PDE1C: variants seen among roughly 807,000 people sequenced by gnomAD.
The protein encoded by PDE1C is dual specificity calcium/calmodulin-dependent 3',5'-cyclic nucleotide phosphodiesterase 1C.
Under a neutral mutation model 93.1 loss-of-function variants are expected in PDE1C, and 62 were observed. That is an observed-to-expected ratio of 0.67 (90% confidence interval 0.54 to 0.82). The LOEUF is 0.82. Ranked by LOEUF, PDE1C falls within the 40% of genes least tolerant of loss-of-function variation. The pLI is 0.00. For missense variants in PDE1C, 742 were observed against 884.6 expected, an observed-to-expected ratio of 0.84 and a Z score of 2.04; for synonymous variants, 325 against 310.1, an observed-to-expected ratio of 1.05 and a Z score of -0.50.
At chr7:32,187,983 C>T (rs1051804494) in intron 2 of PDE1C, among the ~76,000 whole-genome samples, 3 of 152,132 alleles carry the variant, frequency 2.0e-5, no homozygotes, top group Non-Finnish European at 4.4e-5. Flanking sequence ...TGAAGTATAT[C>T]CTTGAATTCT....
chr7:32,304,667 C>T (rs1812953954), intron 1 of PDE1C, among the ~76,000 whole-genome samples: 1 of 152,080 alleles, frequency 6.6e-6, no homozygotes, highest in African/African-American at 2.4e-5. Context: ...AGCTCCTCTA[C>T]TTGCTAGCTG....
chr7:32,157,697 A>G (rs565758402), intron 3 of PDE1C, among the ~76,000 whole-genome samples: 42 of 152,340 alleles, frequency 2.8e-4, no homozygotes, highest in African/African-American at 8.9e-4. Flanking sequence ...AAGAGATACA[A>G]GCTAAAGCTG....
intron 2 of PDE1C, among the ~76,000 whole-genome samples, chr7:32,202,489 G>A (rs1805086076): frequency 6.6e-6 from 1 of 152,184 alleles, no homozygotes; most frequent in African/African-American, 2.4e-5. Flanking sequence ...GGTGAGCACT[G>A]GACTGGATCA....
At position 31,775,710 on chromosome 7, in the gene PDE1C, GCCGTGAGAA is replaced by G; in HGVS notation, c.1905_1913del (p.His637_Ser639del). The G allele has an allele frequency of 6.2e-7, 1 of 1,612,870 alleles. No homozygotes were observed. The highest frequency in any genetic ancestry group is 8.5e-7 in the Non-Finnish European group (1 of 1,179,850). The stretch of plus-strand genomic sequence containing the variant: ...TGGAGCTGGTGCTTGGGGCTGGTGA[GCCGTGAGAA>G]CGCTGTTTTGTGCCTGTGAAGAGGA... On this transcript the variant is annotated inframe_deletion, in exon 17 of 18. Transcript: ENST00000396191.
At chr7:31,699,444 G>A in the PDE1C span, among the ~76,000 whole-genome samples, 1 of 152,178 alleles carries the variant, frequency 6.6e-6, no homozygotes, top group South Asian at 2.1e-4. Context: ...TATTGGTCAA[G>A]GGGTCCAGAG....
At chr7:32,267,980 G>C (rs552542136) in intron 1 of PDE1C, among the ~76,000 whole-genome samples, 1 of 152,146 alleles carries the variant, frequency 6.6e-6, no homozygotes. Context: ...AGTGACACTC[G>C]TGATCTTTGG....
intron 1 of PDE1C, among the ~76,000 whole-genome samples, chr7:32,313,240 A>G (rs1783093125): frequency 6.6e-6 from 1 of 152,202 alleles, no homozygotes; most frequent in African/African-American, 2.4e-5. Context: ...CGATCATTAA[A>G]AAGTCAGGAA....
At chr7:32,101,103 G>A (rs1321406163) in intron 3 of PDE1C, among the ~76,000 whole-genome samples, 1 of 152,124 alleles carries the variant, frequency 6.6e-6, no homozygotes, top group Non-Finnish European at 1.5e-5. Flanking sequence ...AATATAAGTT[G>A]TTCTTTTCCT....
chr7:32,288,161 C>G (rs895457433), intron 1 of PDE1C, among the ~76,000 whole-genome samples: 1 of 152,110 alleles, frequency 6.6e-6, no homozygotes, highest in South Asian at 2.1e-4. Context: ...CTTAAAAAAA[C>G]AAAATGTAGA....
At chr7:31,623,593 T>C in the PDE1C span, among the ~76,000 whole-genome samples, 1 of 149,958 alleles carries the variant, frequency 6.7e-6, no homozygotes, top group African/African-American at 2.4e-5. Flanking sequence ...TAGGTATTGA[T>C]GGGACGTATC....
the PDE1C span, among the ~76,000 whole-genome samples, chr7:31,702,017 T>C: frequency 1.3e-5 from 2 of 152,138 alleles, no homozygotes; most frequent in Admixed American, 6.6e-5. Context: ...TGTAATAAAA[T>C]TTTTTAGAAG....
intron 2 of PDE1C, among the ~76,000 whole-genome samples, chr7:32,203,923 G>T (rs1805216073): frequency 6.6e-6 from 1 of 152,078 alleles, no homozygotes; most frequent in Admixed American, 6.6e-5. Flanking sequence ...TTGGCATACA[G>T]TTTTTTTCTT....
intron 1 of PDE1C, among the ~76,000 whole-genome samples, chr7:32,066,705 C>T (rs183715250): frequency 6.6e-6 from 1 of 152,074 alleles, no homozygotes; most frequent in Non-Finnish European, 1.5e-5. Context: ...AGCCCTGTTT[C>T]CCTGACTGAA....
the PDE1C span, among the ~76,000 whole-genome samples, chr7:31,723,806 C>T: frequency 6.6e-6 from 1 of 152,156 alleles, no homozygotes; most frequent in African/African-American, 2.4e-5. Flanking sequence ...TTAGTTAATT[C>T]TCGTCTACAG....
At chr7:32,264,527 C>G (rs1382660573) in intron 1 of PDE1C, among the ~76,000 whole-genome samples, 1 of 152,210 alleles carries the variant, frequency 6.6e-6, no homozygotes, top group Non-Finnish European at 1.5e-5. Flanking sequence ...GCTTCTGGTT[C>G]TCTCCAAAAT....
intron 4 of PDE1C, 70 bp downstream of exon 4, chr7:31,878,926 G>A: frequency 2.1e-6 from 3 of 1,448,130 alleles, no homozygotes; most frequent in South Asian, 2.4e-5. Flanking sequence ...TTAAAGCAAA[G>A]CTTCCAGTTA....
chr7:32,035,367 A>G (rs1790909658), intron 2 of PDE1C, among the ~76,000 whole-genome samples: 1 of 152,190 alleles, frequency 6.6e-6, no homozygotes, highest in South Asian at 2.1e-4. Flanking sequence ...AGTCTGTAAG[A>G]GAGAGTGCTC....
In PDE1C at chr7:32,356,547, T is replaced by C. The variant is rs532987056; in HGVS notation, c.310+71275A>G. ...CATTTAGATGGGCACATTATAGAATTATATTCACAAATCATCGTGAAAATT... is the reference window on the plus strand; with the variant it reads ...CATTTAGATGGGCACATTATAGAATCATATTCACAAATCATCGTGAAAATT... On this transcript the variant is annotated intron_variant, in intron 1 of 1. Coordinates refer to the PDE1C transcript ENST00000672256. 6.0e-4 allele frequency among the ~76,000 whole-genome samples: 92 copies of C among 152,348 alleles called. 2 individuals are homozygous for C. Among genetic ancestry groups the C allele is most frequent in the African/African-American group, 2.2e-3 (90 of 41,582 alleles).
intron 2 of PDE1C, among the ~76,000 whole-genome samples, chr7:31,976,608 A>C (rs952500669): frequency 6.6e-6 from 1 of 152,178 alleles, no homozygotes; most frequent in Middle Eastern, 3.2e-3. Context: ...GCCTACCTCC[A>C]AAATGCATGC....
Sources: allele counts gnomAD v4.1 joint callset (sites outside exome capture counted in the v4.1 genomes callset), GRCh38; gene constraint gnomAD v4.1.1; transcripts MANE v1.5; gene names NCBI Gene and HGNC (gene_info 2026-07-23, HGNC 2026-07-21).